ABI3BP: variants seen among roughly 807,000 people sequenced by gnomAD.
ABI3BP encodes target of Nesh-SH3.
Under a neutral mutation model 268.6 loss-of-function variants are expected in ABI3BP, and 216 were observed. That is an observed-to-expected ratio of 0.80 (90% confidence interval 0.72 to 0.90). The LOEUF (loss-of-function observed/expected upper bound fraction) is 0.90, where lower values mean the gene tolerates loss of function less well. Among genes scored for constraint, ABI3BP ranks in the 40% least tolerant of loss-of-function variants. The pLI is 0.00. For synonymous variants in ABI3BP, 730 were observed against 730.0 expected, an observed-to-expected ratio of 1.00 and a Z score of 0.00; for missense variants, 2,090 against 2,182.4, an observed-to-expected ratio of 0.96 and a Z score of 0.84.
intron 1 of ABI3BP, among the ~76,000 whole-genome samples, chr3:100,987,463 G>A (rs764735901): frequency 2.7e-4 from 41 of 152,120 alleles, no homozygotes; most frequent in Non-Finnish European, 4.0e-4. Context: ...CTAAACTAGT[G>A]AATGTATAAT....
At chr3:100,854,630 C>A (rs2098918437) in intron 14 of ABI3BP, among the ~76,000 whole-genome samples, 1 of 152,210 alleles carries the variant, frequency 6.6e-6, no homozygotes, top group Admixed American at 6.5e-5. Flanking sequence ...AAACTTCTAT[C>A]ACTATGCTTA....
At chr3:100,932,005 G>A (rs2063796306) in intron 1 of ABI3BP, among the ~76,000 whole-genome samples, 1 of 151,800 alleles carries the variant, frequency 6.6e-6, no homozygotes, top group Non-Finnish European at 1.5e-5. Flanking sequence ...TACAAAAACA[G>A]ACACATAGGC....
At chr3:100,965,915 T>C (rs1038038379) in intron 1 of ABI3BP, among the ~76,000 whole-genome samples, 2 of 152,196 alleles carry the variant, frequency 1.3e-5, no homozygotes, top group African/African-American at 4.8e-5. Context: ...GATCCAATAA[T>C]GATCTTTCCA....
intron 1 of ABI3BP, among the ~76,000 whole-genome samples, chr3:100,988,175 T>C (rs1436919587): frequency 6.6e-6 from 1 of 152,140 alleles, no homozygotes; most frequent in Non-Finnish European, 1.5e-5. Context: ...AACCACCTCT[T>C]GGAGAAGTGG....
chr3:100,984,270 A>T (rs2090854810), intron 1 of ABI3BP, among the ~76,000 whole-genome samples: 1 of 152,228 alleles, frequency 6.6e-6, no homozygotes, highest in Admixed American at 6.5e-5. Flanking sequence ...ATTGGGCTAT[A>T]GCCTGTATTG....
rs368680736 is a variant in ABI3BP at position 100,791,725 on chromosome 3, CCAAA to C, written c.4024+962_4024+965del. On this transcript the variant is annotated intron_variant, in intron 55 of 67. Transcript: ENST00000471714. Reference sequence around the variant, plus strand: ...GTTTAAAACGTAACAAAAAGTTAAACCAAACAAACAATAAAAAAGATTTAGAAAA... The same window carrying C: ...GTTTAAAACGTAACAAAAAGTTAAACCAAACAATAAAAAAGATTTAGAAAA... Among the ~76,000 whole-genome samples, 829 of 151,760 alleles carry C rather than the reference CCAAA, an allele frequency of 5.5e-3. 5 individuals carry two copies. Among genetic ancestry groups the C allele is most frequent in the African/African-American group, 8.4e-3 (350 of 41,468 alleles).
intron 1 of ABI3BP, among the ~76,000 whole-genome samples, chr3:100,928,269 T>A (rs1377987788): frequency 4.6e-5 from 7 of 152,106 alleles, no homozygotes; most frequent in Non-Finnish European, 1.0e-4. Flanking sequence ...ATTTAATATT[T>A]AAAAAATATT....
intron 67 of ABI3BP, 75 bp downstream of exon 67, chr3:100,751,477 T>G: frequency 1.4e-6 from 2 of 1,392,944 alleles, no homozygotes; most frequent in Non-Finnish European, 1.9e-6. Context: ...TTAAATTGCT[T>G]GCTTTCCTCA....
chr3:100,950,584 A>G (rs1024389964), intron 1 of ABI3BP, among the ~76,000 whole-genome samples: 1 of 151,996 alleles, frequency 6.6e-6, no homozygotes, highest in Non-Finnish European at 1.5e-5. Context: ...GAGGAAAAGT[A>G]AAGATGAAGG....
intron 55 of ABI3BP, among the ~76,000 whole-genome samples, chr3:100,790,530 T>C (rs1027937115): frequency 3.3e-5 from 5 of 152,030 alleles, no homozygotes; most frequent in Admixed American, 2.6e-4. Context: ...TTGGTTATAA[T>C]GTAGCTCATT....
At chr3:100,758,168 G>A (rs1408808463) in intron 63 of ABI3BP, among the ~76,000 whole-genome samples, 1 of 152,034 alleles carries the variant, frequency 6.6e-6, no homozygotes, top group African/African-American at 2.4e-5. Flanking sequence ...TCCAGGGGGC[G>A]TTAAAAACAT....
chr3:100,878,413 T>C (rs890619379), intron 6 of ABI3BP, among the ~76,000 whole-genome samples: 42 of 152,348 alleles, frequency 2.8e-4, no homozygotes, highest in African/African-American at 1.0e-3. Context: ...GCAAATTACA[T>C]TTATAAGCAG....
chr3:100,893,183 C>G (rs2045590164), intron 4 of ABI3BP, among the ~76,000 whole-genome samples: 1 of 152,146 alleles, frequency 6.6e-6, no homozygotes, highest in African/African-American at 2.4e-5. Context: ...AAGTTTTCAG[C>G]TTTTGGATTC....
intron 53 of ABI3BP, among the ~76,000 whole-genome samples, chr3:100,795,239 G>A (rs1320223626): frequency 6.6e-6 from 1 of 151,964 alleles, no homozygotes; most frequent in Non-Finnish European, 1.5e-5. Context: ...CATCAGAATG[G>A]CTGGTTGAGA....
At chr3:100,844,343 G>A in intron 20 of ABI3BP, 1 of 985,416 alleles carries the variant, frequency 1.0e-6, no homozygotes, top group Non-Finnish European at 1.2e-6. Context: ...CACTGGACGA[G>A]GTAGACAAGT....
chr3:100,809,701 T>G (rs990263733), intron 49 of ABI3BP, among the ~76,000 whole-genome samples: 2 of 152,068 alleles, frequency 1.3e-5, no homozygotes, highest in Admixed American at 6.6e-5. Flanking sequence ...AATAGTTTAA[T>G]GCCAATCAAA....
Position 100,789,493 on chromosome 3 carries a change from C to G in ABI3BP, c.4048G>C (p.Val1350Leu), listed in dbSNP as rs2097140622. ...TQAPHRFYTT[V>L]RPRTSDKPHI... Reference sequence around the variant, plus strand: ...GGCTTGTCAGATGTTCTGGGCCTCACAGTAGTATAAAATCTGTGTGGCGCT... The same window carrying G: ...GGCTTGTCAGATGTTCTGGGCCTCAGAGTAGTATAAAATCTGTGTGGCGCT... The change falls in exon 56 of 68, where the codon GTG becomes CTG. Residue 1350 changes from valine to leucine, a missense_variant. By Grantham distance (32) the Val-to-Leu change is conservative. Transcript: ENST00000471714. 1 of 1,598,764 alleles carries G rather than the reference C, an allele frequency of 6.3e-7. No individual in the cohort carries two copies. Among genetic ancestry groups the G allele is most frequent in the Non-Finnish European group, 8.5e-7 (1 of 1,172,198 alleles).
At chr3:100,918,995 G>C (rs1583360368) in intron 2 of ABI3BP, among the ~76,000 whole-genome samples, 1 of 152,134 alleles carries the variant, frequency 6.6e-6, no homozygotes, top group African/African-American at 2.4e-5. Flanking sequence ...CTGCATAACT[G>C]CCATCTTGCA....
intron 1 of ABI3BP, among the ~76,000 whole-genome samples, chr3:100,971,657 C>T (rs191347350): frequency 6.6e-6 from 1 of 152,140 alleles, no homozygotes; most frequent in African/African-American, 2.4e-5. Context: ...GAATTTTTCC[C>T]CTTAACTGTC....
Sources: gnomAD v4.1 joint callset for allele counts (sites outside exome capture counted in the v4.1 genomes callset) on GRCh38, gnomAD v4.1.1 for gene constraint, MANE v1.5 for transcripts, NCBI Gene and HGNC (gene_info 2026-07-23, HGNC 2026-07-21) for gene names.